Variants in MAD1L1 observed in about 807,000 individuals in gnomAD.
MAD1L1 encodes the protein mitotic spindle assembly checkpoint protein MAD1.
A neutral mutation model predicts 96.9 loss-of-function variants in MAD1L1; 95 were observed. That is an observed-to-expected ratio of 0.98 (90% CI 0.83 to 1.16). MAD1L1 has a LOEUF of 1.16. Ranked by LOEUF, MAD1L1 falls within the 50% of genes most tolerant of loss-of-function variation. The pLI is 0.00. For missense variants in MAD1L1, 1,007 were observed against 954.4 expected (o/e 1.06, Z -0.73); for synonymous variants, 473 against 396.6 (o/e 1.19, Z -2.29).
At position 2,129,161 on chromosome 7, in the gene MAD1L1, G is replaced by A. The variant is rs372426191; in HGVS notation, c.1073+19991C>T. On this transcript the variant is annotated intron_variant, in intron 11 of 18. Transcript: ENST00000265854. Reference sequence around the variant, plus strand: ...GACCGGGCAGGCGCATTCCATGAGGGGCCCGCAGGATCCCGGGGGAGCTGG... The same window carrying A: ...GACCGGGCAGGCGCATTCCATGAGGAGCCCGCAGGATCCCGGGGGAGCTGG... Among the ~76,000 whole-genome samples, 589 of 152,292 alleles carry A rather than the reference G, an allele frequency of 3.9e-3. 4 individuals carry two copies. Among genetic ancestry groups the A allele is most frequent in the Middle Eastern group, 0.024 (7 of 294 alleles).
At chr7:2,116,567 TGGGG>T (rs3076522) in intron 11 of MAD1L1, among the ~76,000 whole-genome samples, 1 of 35,884 alleles carries the variant, frequency 2.8e-5, no homozygotes, top group African/African-American at 7.6e-5. Flanking sequence ...GCCAGAGGGT[TGGGG>T]GGGGGGGGGG....
At chr7:2,157,425 G>C (rs1175619010) in intron 10 of MAD1L1, among the ~76,000 whole-genome samples, 1 of 152,208 alleles carries the variant, frequency 6.6e-6, no homozygotes, top group Non-Finnish European at 1.5e-5. Flanking sequence ...AAAACTAAGA[G>C]ACTGAGAAGA....
At chr7:2,074,393 C>T (rs1785281836) in intron 11 of MAD1L1, among the ~76,000 whole-genome samples, 1 of 152,112 alleles carries the variant, frequency 6.6e-6, no homozygotes, top group Non-Finnish European at 1.5e-5. Flanking sequence ...CAGAGGCTGA[C>T]ATCATTAAAA....
intron 11 of MAD1L1, among the ~76,000 whole-genome samples, chr7:2,096,371 C>T (rs1187620536): frequency 1.3e-5 from 2 of 152,208 alleles, no homozygotes; most frequent in Non-Finnish European, 2.9e-5. Flanking sequence ...TGGCGGGGCT[C>T]ATGCCTGCAA....
At chr7:2,078,123 G>A (rs1178834222) in intron 11 of MAD1L1, among the ~76,000 whole-genome samples, 2 of 152,180 alleles carry the variant, frequency 1.3e-5, no homozygotes, top group African/African-American at 4.8e-5. Flanking sequence ...CTCCGGCCTG[G>A]AGACCGGCAC....
intron 12 of MAD1L1, among the ~76,000 whole-genome samples, chr7:2,023,886 T>C (rs1271263836): frequency 1.3e-5 from 2 of 151,976 alleles, no homozygotes; most frequent in African/African-American, 4.8e-5. Context: ...GAGGCGGAAG[T>C]TGCAGTGAGC....
chr7:2,068,158 C>T (rs935210707), intron 12 of MAD1L1, among the ~76,000 whole-genome samples: 1 of 152,210 alleles, frequency 6.6e-6, no homozygotes, highest in Non-Finnish European at 1.5e-5. Context: ...GTCTGGGGTG[C>T]ACCTGCAAAG....
At chr7:1,925,845 T>C (rs994975549) in intron 17 of MAD1L1, among the ~76,000 whole-genome samples, 1 of 152,058 alleles carries the variant, frequency 6.6e-6, no homozygotes, top group Non-Finnish European at 1.5e-5. Flanking sequence ...AGATCTCAAA[T>C]ATGCAATCTA....
chr7:2,184,339 C>A (rs1352041895), intron 10 of MAD1L1, among the ~76,000 whole-genome samples: 2 of 151,902 alleles, frequency 1.3e-5, no homozygotes, highest in African/African-American at 4.8e-5. Flanking sequence ...TGAGTTAAAG[C>A]CAAAAGTCGG....
intron 11 of MAD1L1, among the ~76,000 whole-genome samples, chr7:2,079,292 A>T (rs949452603): frequency 4.6e-5 from 7 of 152,204 alleles, no homozygotes; most frequent in Non-Finnish European, 7.3e-5. Flanking sequence ...CGTGGCACGC[A>T]GCTGTTGTTA....
At chr7:1,993,851 C>T (rs1024201559) in intron 14 of MAD1L1, among the ~76,000 whole-genome samples, 51 of 152,334 alleles carry the variant, frequency 3.3e-4, no homozygotes, top group African/African-American at 8.9e-4. Context: ...ACTCAGCACT[C>T]GGCAGATGCT....
At chr7:1,984,220 C>T (rs898989739) in intron 14 of MAD1L1, among the ~76,000 whole-genome samples, 5 of 152,104 alleles carry the variant, frequency 3.3e-5, no homozygotes. Flanking sequence ...TTTTTAAATT[C>T]CAAGTGTTAG....
chr7:1,960,480 A>G (rs1308487714), intron 15 of MAD1L1, among the ~76,000 whole-genome samples: 1 of 152,248 alleles, frequency 6.6e-6, no homozygotes, highest in Non-Finnish European at 1.5e-5. Context: ...GCCATCACTA[A>G]GAAAACCAGC....
At chr7:2,091,259 C>T (rs76578600) in intron 11 of MAD1L1, among the ~76,000 whole-genome samples, 27 of 152,306 alleles carry the variant, frequency 1.8e-4, no homozygotes, top group African/African-American at 5.5e-4. Flanking sequence ...GTCCTCCTAC[C>T]GAGAACAGTG....
At chr7:1,861,870 G>A (rs1784549390) in intron 18 of MAD1L1, among the ~76,000 whole-genome samples, 2 of 143,750 alleles carry the variant, frequency 1.4e-5, no homozygotes, top group South Asian at 2.3e-4. Context: ...ACACTGCTCC[G>A]CCTGCCCCCT....
rs567500438 is a variant in MAD1L1, at chr7:2,188,867, C to T, written c.986+24345G>A. On this transcript the variant is annotated intron_variant, in intron 10 of 18. Coordinates refer to ENST00000265854, the MANE Select transcript of MAD1L1 (RefSeq NM_001013836.2). ...GTAAATTTTTAAATTTTAAATTTGT[C>T]AAAGGACACTATCAACAGACTGAAA... 2.8e-4 allele frequency among the ~76,000 whole-genome samples: 43 copies of T among 151,906 alleles called. 1 individual carries two copies. Among genetic ancestry groups the T allele is most frequent in the East Asian group, 1.7e-3 (9 of 5,188 alleles).
intron 10 of MAD1L1, among the ~76,000 whole-genome samples, chr7:2,164,030 C>T (rs1790298133): frequency 6.6e-6 from 1 of 152,152 alleles, no homozygotes; most frequent in Non-Finnish European, 1.5e-5. Flanking sequence ...GCTCTCCAAA[C>T]CTCAACCCCC....
chr7:1,956,342 G>A (rs969337140), intron 16 of MAD1L1, among the ~76,000 whole-genome samples: 1 of 152,126 alleles, frequency 6.6e-6, no homozygotes, highest in Non-Finnish European at 1.5e-5. Context: ...TGGCCTCCCC[G>A]CTTCACTGCT....
intron 18 of MAD1L1, among the ~76,000 whole-genome samples, chr7:1,871,384 ACCGTAAC>A (rs1785086345): frequency 7.1e-6 from 1 of 141,812 alleles, no homozygotes; most frequent in African/African-American, 2.7e-5. Context: ...CGCTGAACCC[ACCGTAAC>A]ACCTGCCACG....
Sources: gnomAD v4.1 joint callset for allele counts (sites outside exome capture counted in the v4.1 genomes callset) on GRCh38, gnomAD v4.1.1 for gene constraint, MANE v1.5 for transcripts, NCBI Gene and HGNC (gene_info 2026-07-23, HGNC 2026-07-21) for gene names.